Variants in SNTG1 observed in about 807,000 individuals in gnomAD.
The protein encoded by SNTG1 is syntrophin gamma 1, also known as gamma-1-syntrophin.
SNTG1 carries 39 observed loss-of-function variants against 74.7 expected under a neutral mutation model. The ratio of observed to expected loss-of-function variants is 0.52; its 90% CI spans 0.40 to 0.68. SNTG1 has a LOEUF of 0.68. Among genes scored for constraint, SNTG1 ranks in the 30% least tolerant of loss-of-function variants. SNTG1 has a pLI of 0.00. For missense variants in SNTG1, 685 were observed against 609.5 expected (o/e 1.12, Z -1.30); for synonymous variants, 254 against 217.1 (o/e 1.17, Z -1.49).
intron 2 of SNTG1, among the ~76,000 whole-genome samples, chr8:50,368,270 T>C (rs1330941825): frequency 6.6e-6 from 1 of 152,080 alleles, no homozygotes; most frequent in Non-Finnish European, 1.5e-5. Flanking sequence ...TTGAGAAAAA[T>C]AGCACTTATA....
intron 8 of SNTG1, among the ~76,000 whole-genome samples, chr8:50,489,288 C>T (rs1207524034): frequency 2.6e-5 from 4 of 152,174 alleles, no homozygotes; most frequent in African/African-American, 4.8e-5. Context: ...TGGTTATATA[C>T]CCAGTAATGG....
chr8:50,616,090 C>G (rs2094883845), intron 13 of SNTG1, among the ~76,000 whole-genome samples: 1 of 152,176 alleles, frequency 6.6e-6, no homozygotes, highest in Non-Finnish European at 1.5e-5. Flanking sequence ...AGCCCTGCCA[C>G]ATTATTAAGA....
chr8:50,201,950 T>C (rs1240279561), intron 2 of SNTG1, among the ~76,000 whole-genome samples: 1 of 152,108 alleles, frequency 6.6e-6, no homozygotes, highest in African/African-American at 2.4e-5. Context: ...AATTCTAGAA[T>C]ACAAGTATAG....
chr8:50,735,995 C>T, intron 17 of SNTG1, among the ~76,000 whole-genome samples: 1 of 151,972 alleles, frequency 6.6e-6, no homozygotes, highest in East Asian at 1.9e-4. Flanking sequence ...GGATTTTCAA[C>T]CCAGAATTTC....
rs575953936 is a variant in SNTG1 at position 50,236,362 on chromosome 8, G to A, written c.-28+63727G>A. 2.0e-5 allele frequency among the ~76,000 whole-genome samples: 3 copies of A among 151,956 alleles called. No homozygotes were observed. In the East Asian group the frequency reaches 5.8e-4, roughly 29 times the overall value. On this transcript the variant is annotated intron_variant, in intron 2 of 18. Transcript: ENST00000642720. ...AAGTTCTTAAACCTTCTCCTTCCAA[G>A]GTATGATTCCGGTGCATCATTTTTA...
At chr8:50,084,292 T>G (rs1292362708) in intron 1 of SNTG1, among the ~76,000 whole-genome samples, 1 of 151,884 alleles carries the variant, frequency 6.6e-6, no homozygotes, top group Non-Finnish European at 1.5e-5. Flanking sequence ...AAACCCCATC[T>G]CTAAAAAAAA....
chr8:50,562,062 A>T (rs1035708779), intron 12 of SNTG1, among the ~76,000 whole-genome samples: 2 of 152,380 alleles, frequency 1.3e-5, no homozygotes, highest in Admixed American at 1.3e-4. Context: ...TTTCTGATTT[A>T]TAAGTTACAA....
chr8:50,361,316 C>A (rs1365657245), intron 2 of SNTG1, among the ~76,000 whole-genome samples: 1 of 152,126 alleles, frequency 6.6e-6, no homozygotes, highest in Non-Finnish European at 1.5e-5. Flanking sequence ...ATGATGCCTT[C>A]TTCTGAATAC....
At chr8:50,033,419 C>G (rs900156690) in intron 1 of SNTG1, among the ~76,000 whole-genome samples, 6 of 152,224 alleles carry the variant, frequency 3.9e-5, no homozygotes, top group African/African-American at 1.4e-4. Flanking sequence ...CCACTGCGCC[C>G]AGCCAATTTA....
At chr8:50,103,786 G>A (rs1007555289) in intron 1 of SNTG1, among the ~76,000 whole-genome samples, 3 of 152,040 alleles carry the variant, frequency 2.0e-5, no homozygotes, top group African/African-American at 7.2e-5. Flanking sequence ...GTTGAATTTT[G>A]TCAAAGGCTT....
At chr8:50,077,052 C>G (rs561565108) in intron 1 of SNTG1, among the ~76,000 whole-genome samples, 1 of 152,300 alleles carries the variant, frequency 6.6e-6, no homozygotes, top group Admixed American at 6.5e-5. Flanking sequence ...TTTTCTGCCT[C>G]TGGCTTAACG....
chr8:50,573,673 G>A (rs531486921), intron 12 of SNTG1, among the ~76,000 whole-genome samples: 5 of 151,788 alleles, frequency 3.3e-5, no homozygotes, highest in Admixed American at 6.6e-5. Context: ...TGAGTATGAA[G>A]CATATTGTTT....
In SNTG1 at chr8:50,401,325, A is replaced by C. The variant is rs188039704; in HGVS notation, c.28-885A>C. Among the ~76,000 whole-genome samples, 438 of 152,270 alleles carry C rather than the reference A, an allele frequency of 2.9e-3. 7 individuals are homozygous for C. The highest frequency in any genetic ancestry group is 0.027 in the Admixed American group (415 of 15,286). ...AATGTTAAGTGCACTTTCTAGGGAG[A>C]ATATTTATATTAATCCAGGTTAATA... On this transcript the variant is annotated intron_variant, in intron 3 of 18. Coordinates refer to ENST00000642720, the MANE Select transcript of SNTG1 (RefSeq NM_018967.5).
intron 2 of SNTG1, among the ~76,000 whole-genome samples, chr8:50,301,367 A>T (rs1224330582): frequency 2.6e-5 from 4 of 152,144 alleles, no homozygotes; most frequent in Non-Finnish European, 4.4e-5. Flanking sequence ...ATAGCAAAAA[A>T]TGTTATTTCA....
At chr8:50,248,320 G>A (rs577905917) in intron 2 of SNTG1, among the ~76,000 whole-genome samples, 22 of 152,160 alleles carry the variant, frequency 1.4e-4, no homozygotes, top group Non-Finnish European at 2.6e-4. Context: ...TTCTTGACTT[G>A]TCAAATAAAA....
intron 2 of SNTG1, among the ~76,000 whole-genome samples, chr8:50,228,087 A>T (rs1049918513): frequency 6.6e-6 from 1 of 151,888 alleles, no homozygotes; most frequent in Non-Finnish European, 1.5e-5. Flanking sequence ...AAAAATATAG[A>T]CAGAAGGTTA....
chr8:50,309,365 A>G (rs967406391), intron 2 of SNTG1, among the ~76,000 whole-genome samples: 2 of 151,958 alleles, frequency 1.3e-5, no homozygotes, highest in African/African-American at 4.8e-5. Context: ...TAAGACAAAA[A>G]AAAAAAAATC....
intron 2 of SNTG1, among the ~76,000 whole-genome samples, chr8:50,234,916 A>G (rs1161735362): frequency 6.6e-6 from 1 of 152,072 alleles, no homozygotes; most frequent in Non-Finnish European, 1.5e-5. Flanking sequence ...GTAGATGTGG[A>G]AAAATTGATA....
At chr8:50,047,121 G>A (rs1394993549) in intron 1 of SNTG1, among the ~76,000 whole-genome samples, 1 of 152,054 alleles carries the variant, frequency 6.6e-6, no homozygotes, top group Admixed American at 6.6e-5. Flanking sequence ...GAGTAGGGCA[G>A]ATCACTTGAG....
Sources: gnomAD v4.1 joint callset for allele counts (sites outside exome capture counted in the v4.1 genomes callset) on GRCh38, gnomAD v4.1.1 for gene constraint, MANE v1.5 for transcripts, NCBI Gene and HGNC (gene_info 2026-07-23, HGNC 2026-07-21) for gene names.